PRCP: variants seen among roughly 807,000 people sequenced by gnomAD.
The protein encoded by PRCP is lysosomal Pro-X carboxypeptidase.
A neutral mutation model predicts 54.2 loss-of-function variants in PRCP; 46 were observed. That is an observed-to-expected ratio of 0.85 (90% confidence interval 0.67 to 1.09). The LOEUF (loss-of-function observed/expected upper bound fraction) is 1.09, where lower values mean the gene tolerates loss of function less well. Among genes scored for constraint, PRCP ranks in the 50% least tolerant of loss-of-function variants. The pLI, the probability that PRCP is intolerant of heterozygous loss-of-function variation, is 0.00. For missense variants in PRCP, 613 were observed against 596.8 expected, an observed-to-expected ratio of 1.03 and a Z score of -0.28; for synonymous variants, 240 against 212.2, an observed-to-expected ratio of 1.13 and a Z score of -1.14.
intron 1 of PRCP, among the ~76,000 whole-genome samples, chr11:82,884,184 T>C (rs1411259535): frequency 6.6e-6 from 1 of 152,250 alleles, no homozygotes; most frequent in African/African-American, 2.4e-5. Context: ...TGGGTTGTAG[T>C]TCCTGGTTTA....
chr11:82,901,005 C>G, upstream of PRCP: 1 of 395,372 alleles, frequency 2.5e-6, no homozygotes, highest in South Asian at 1.8e-5. Flanking sequence ...TTCCCATCTA[C>G]AGATGTGGAA....
intron 1 of PRCP, among the ~76,000 whole-genome samples, chr11:82,870,822 A>G (rs1201184077): frequency 6.6e-6 from 1 of 152,168 alleles, no homozygotes; most frequent in Non-Finnish European, 1.5e-5. Context: ...AGAATGTCAT[A>G]AAGGGGTTGT....
At chr11:82,888,703 T>G (rs1859925616) in intron 1 of PRCP, among the ~76,000 whole-genome samples, 1 of 152,108 alleles carries the variant, frequency 6.6e-6, no homozygotes, top group African/African-American at 2.4e-5. Flanking sequence ...TTAAAACAGG[T>G]AGGTCTGTCT....
At chr11:82,879,759 G>A (rs868312757) in intron 1 of PRCP, among the ~76,000 whole-genome samples, 19 of 152,138 alleles carry the variant, frequency 1.2e-4, no homozygotes, top group African/African-American at 3.4e-4. Flanking sequence ...TCTAACAGTC[G>A]GGATCCTCAG....
At position 82,843,052 on chromosome 11, in the gene PRCP, G is replaced by C. The variant is rs574103972; in HGVS notation, c.922-3627C>G. The C allele has an allele frequency of 2.0e-5, 3 of 152,578 alleles. No homozygotes were observed. The East Asian group carries it at 5.8e-4, about 29-fold the overall frequency. The allele number at this position is 152,578 out of a possible 1,614,324, so 9.5% of individuals were successfully genotyped here. On this transcript the variant is annotated intron_variant, in intron 6 of 8. Coordinates refer to ENST00000313010, the MANE Select transcript of PRCP (RefSeq NM_005040.4). ...ATGCCAGGCACAGTGGTTCATGCCTGTAATCCCAGCACTTTGGGAGGCCCA... is the reference window on the plus strand; with the variant it reads ...ATGCCAGGCACAGTGGTTCATGCCTCTAATCCCAGCACTTTGGGAGGCCCA...
chr11:82,875,799 C>T (rs905781392), intron 1 of PRCP, among the ~76,000 whole-genome samples: 17 of 152,098 alleles, frequency 1.1e-4, no homozygotes, highest in South Asian at 2.1e-4. Flanking sequence ...AAGGCCGTAG[C>T]GAAGGCAAAC....
At chr11:82,839,449 G>T in intron 6 of PRCP, 24 bp from the exon 7 acceptor site, 1 of 1,587,294 alleles carries the variant, frequency 6.3e-7, no homozygotes, top group Middle Eastern at 1.9e-4. Flanking sequence ...AAGATAAATG[G>T]GGAAAGAGTC....
intron 2 of PRCP, among the ~76,000 whole-genome samples, chr11:82,853,838 G>C (rs1859016811): frequency 6.6e-6 from 1 of 152,116 alleles, no homozygotes; most frequent in South Asian, 2.1e-4. Context: ...CTGGATGCAA[G>C]GATGGTTCAA....
rs1858135232 is a variant in PRCP, at chr11:82,823,095, C to T, written c.*1811G>A. ...GGCTGCTATCTATATTCCTAAAATG[C>T]ATACAGTAATAGGATACAATTATGC... On this transcript the variant is annotated 3_prime_UTR_variant, in exon 9 of 9. Coordinates refer to ENST00000313010, the MANE Select transcript of PRCP (RefSeq NM_005040.4). Among the ~76,000 whole-genome samples, 1 of 152,098 alleles carries T rather than the reference C, an allele frequency of 6.6e-6. No individual in the cohort carries two copies. The highest frequency in any genetic ancestry group is 1.5e-5 in the Non-Finnish European group (1 of 67,996).
chr11:82,900,150 C>T, intron 1 of PRCP, 85 bp downstream of exon 1: 2 of 1,506,502 alleles, frequency 1.3e-6, no homozygotes, highest in Non-Finnish European at 1.8e-6. Flanking sequence ...GTGTGAATTT[C>T]GAGGTAGGCT....
chr11:82,899,932 G>A (rs1860219123), intron 1 of PRCP: 2 of 372,228 alleles, frequency 5.4e-6, no homozygotes, highest in South Asian at 5.8e-5. Context: ...GAAGGTCAAG[G>A]GAGTTCGGAT....
At chr11:82,841,050 T>TA (rs1346020523) in intron 6 of PRCP, among the ~76,000 whole-genome samples, 46 of 129,962 alleles carry the variant, frequency 3.5e-4, no homozygotes, top group African/African-American at 1.3e-3. Context: ...AGATTATATA[T>TA]ATAATAGACT....
intron 6 of PRCP, among the ~76,000 whole-genome samples, chr11:82,848,402 C>T (rs1858861314): frequency 6.6e-6 from 1 of 152,162 alleles, no homozygotes; most frequent in Admixed American, 6.6e-5. Context: ...CTCAGCACAA[C>T]CCTATTTGGT....
intron 2 of PRCP, among the ~76,000 whole-genome samples, chr11:82,856,073 A>C (rs543629743): frequency 1.0e-3 from 153 of 152,200 alleles, no homozygotes; most frequent in Non-Finnish European, 2.0e-3. Context: ...TGGGCGGCCA[A>C]GACAGGTTGA....
intron 1 of PRCP, among the ~76,000 whole-genome samples, chr11:82,896,608 G>A (rs1161030673): frequency 6.9e-6 from 1 of 144,858 alleles, no homozygotes; most frequent in Non-Finnish European, 1.5e-5. Flanking sequence ...GAACCCAGGA[G>A]GCAGATGTTG....
At chr11:82,875,190 C>T (rs552561849) in intron 1 of PRCP, among the ~76,000 whole-genome samples, 1 of 152,278 alleles carries the variant, frequency 6.6e-6, no homozygotes, top group East Asian at 1.9e-4. Context: ...TGTGTTTTCC[C>T]CACCATGCCT....
chr11:82,826,389 T>G (rs1368595771), intron 8 of PRCP: 1 of 152,250 alleles, frequency 6.6e-6, no homozygotes, highest in Non-Finnish European at 1.5e-5. Flanking sequence ...ACGTTTGTAT[T>G]GTTTCCACTT....
chr11:82,882,996 G>A (rs1240768140), intron 1 of PRCP, among the ~76,000 whole-genome samples: 4 of 152,194 alleles, frequency 2.6e-5, no homozygotes, highest in Middle Eastern at 6.8e-3. Context: ...CATATTGGTA[G>A]TACAATACTG....
At chr11:82,876,652 T>G (rs1195936195) in intron 1 of PRCP, among the ~76,000 whole-genome samples, 1 of 152,180 alleles carries the variant, frequency 6.6e-6, no homozygotes, top group Non-Finnish European at 1.5e-5. Flanking sequence ...TGCTTCTTCC[T>G]CATTTTCTCT....
Sources: allele counts gnomAD v4.1 joint callset (sites outside exome capture counted in the v4.1 genomes callset), GRCh38; gene constraint gnomAD v4.1.1; transcripts MANE v1.5; gene names NCBI Gene and HGNC (gene_info 2026-07-23, HGNC 2026-07-21).